KDM8: variants seen among roughly 807,000 people sequenced by gnomAD.
The protein encoded by KDM8 is lysine demethylase 8.
A neutral mutation model predicts 46.9 loss-of-function variants in KDM8; 35 were observed. The ratio of observed to expected loss-of-function variants is 0.75; its 90% CI spans 0.57 to 0.99. The LOEUF is 0.99. KDM8 is among the 50% of genes least tolerant of loss of function. The probability of loss-of-function intolerance (pLI) is 0.00; values close to 1 mark genes in which losing one functional copy is unlikely to be tolerated. For synonymous variants in KDM8, 232 were observed against 227.7 expected, an observed-to-expected ratio of 1.02 and a Z score of -0.17; for missense variants, 475 against 537.0, an observed-to-expected ratio of 0.88 and a Z score of 1.14.
At chr16:27,214,047 T>A (rs761574160) in intron 3 of KDM8, 7 of 269,670 alleles carry the variant, frequency 2.6e-5, no homozygotes, top group Non-Finnish European at 4.9e-5. Context: ...TCCTAGCAAT[T>A]TCAGACCATC....
At chr16:27,210,770 G>C (rs2083475501) in intron 2 of KDM8, 149 bp downstream of exon 2, 1 of 826,648 alleles carries the variant, frequency 1.2e-6, no homozygotes, top group Non-Finnish European at 1.8e-6. Flanking sequence ...TTGGATTTCT[G>C]TTTGTTTTTG....
In KDM8 at chr16:27,220,843, C is replaced by A; in HGVS notation, c.*113C>A. ...AGGACTGAACCTGTGTCCTGAAGAGCCTTCACTGCCCAGTGGCAGCCCTGG... is the reference window on the plus strand; with the variant it reads ...AGGACTGAACCTGTGTCCTGAAGAGACTTCACTGCCCAGTGGCAGCCCTGG... On this transcript the variant is annotated 3_prime_UTR_variant, in exon 8 of 8. Transcript: ENST00000286096. 3 of 1,276,086 alleles carry A rather than the reference C, an allele frequency of 2.4e-6. No homozygotes were observed. Among genetic ancestry groups the A allele is most frequent in the Non-Finnish European group, 3.4e-6 (3 of 881,722 alleles). The allele number at this position is 1,276,086 out of a possible 1,614,324, so 79.0% of individuals were successfully genotyped here. A position where few individuals can be genotyped will look rare whatever the true frequency, so the allele number is the denominator to read the frequency against.
At chr16:27,214,585 A>C (rs919242900) in intron 3 of KDM8, 5 of 363,592 alleles carry the variant, frequency 1.4e-5, no homozygotes, top group African/African-American at 1.0e-4. Flanking sequence ...CAAAATGAGC[A>C]AAGAAAGAAG....
intron 5 of KDM8, 158 bp downstream of exon 5, chr16:27,216,147 C>T (rs1382527102): frequency 1.4e-6 from 1 of 720,148 alleles, no homozygotes. Context: ...GAGCCATTTT[C>T]CTAAAGTGAC....
chr16:27,211,120 T>C (rs536578036), intron 2 of KDM8: 2 of 445,302 alleles, frequency 4.5e-6, no homozygotes, highest in African/African-American at 4.3e-5. Flanking sequence ...TCATTTTCTC[T>C]CTTTTTTTTT....
At chr16:27,213,851 G>A in intron 3 of KDM8, 100 bp downstream of exon 3, 1 of 1,197,890 alleles carries the variant, frequency 8.3e-7, no homozygotes, top group Non-Finnish European at 1.2e-6. Flanking sequence ...ATGCAACCTT[G>A]TAGATGCTTC....
rs545684017 is a variant in KDM8 at position 27,203,744 on chromosome 16, G to A, written c.-32+108G>A. Reference sequence around the variant, plus strand: ...GGCGTCATGTGAAGCAGCCAAGCCCGGCCTCGCGCGTGCGCCTTGGAAAAC... The same window carrying A: ...GGCGTCATGTGAAGCAGCCAAGCCCAGCCTCGCGCGTGCGCCTTGGAAAAC... On this transcript the variant is annotated intron_variant, in intron 1 of 7. Coordinates refer to ENST00000286096, the MANE Select transcript of KDM8 (RefSeq NM_024773.3). The A allele has an allele frequency of 3.4e-5, 9 of 267,024 alleles. No individual in the cohort carries two copies. In the East Asian group the frequency reaches 7.0e-4, roughly 21 times the overall value. The allele number at this position is 267,024 out of a possible 1,614,324, so 16.5% of individuals were successfully genotyped here.
Position 27,220,735 on chromosome 16 carries a change from G to C in KDM8, c.*5G>C. The C allele has an allele frequency of 6.2e-7, 1 of 1,614,180 alleles. No individual in the cohort carries two copies. Among genetic ancestry groups the C allele is most frequent in the Non-Finnish European group, 8.5e-7 (1 of 1,180,020 alleles). On this transcript the variant is annotated 3_prime_UTR_variant, in exon 8 of 8. Transcript: ENST00000286096. ...GTCAGCTTCTGGTGGTCGTAGCCAG[G>C]ATAGGAGCTGAAAGGGCCTGACATG...
intron 1 of KDM8, chr16:27,204,113 C>G (rs1331895566): frequency 6.5e-7 from 1 of 1,546,564 alleles, no homozygotes; most frequent in East Asian, 2.5e-5. Context: ...AGAAATGCAG[C>G]CCCGGGGAAG....
At chr16:27,209,103 C>T (rs967591758) in intron 1 of KDM8, among the ~76,000 whole-genome samples, 14 of 152,208 alleles carry the variant, frequency 9.2e-5, no homozygotes, top group African/African-American at 2.9e-4. Context: ...TTGCAAGGGA[C>T]GTGTTAATCT....
chr16:27,217,438 A>T (rs755139897), intron 5 of KDM8, among the ~76,000 whole-genome samples: 11 of 152,154 alleles, frequency 7.2e-5, no homozygotes, highest in Non-Finnish European at 1.5e-4. Flanking sequence ...GACCAATCAT[A>T]GTTTCTGCTC....
At chr16:27,205,622 G>T (rs927078248) in intron 1 of KDM8, among the ~76,000 whole-genome samples, 1 of 152,116 alleles carries the variant, frequency 6.6e-6, no homozygotes, top group East Asian at 1.9e-4. Flanking sequence ...AGATCACCCT[G>T]AGGTCAGGAG....
At chr16:27,209,403 T>G (rs1480996335) in intron 1 of KDM8, among the ~76,000 whole-genome samples, 2 of 152,264 alleles carry the variant, frequency 1.3e-5, no homozygotes, top group Admixed American at 1.3e-4. Context: ...ATTTTTGTAT[T>G]TTTTGTAGAG....
intron 6 of KDM8, 92 bp from the exon 7 acceptor site, chr16:27,220,301 G>A: frequency 9.9e-7 from 1 of 1,009,812 alleles, no homozygotes; most frequent in East Asian, 2.4e-5. Context: ...TGGGCCCAGG[G>A]AGCAGCATGT....
Position 27,219,115 on chromosome 16 carries a change from G to A in KDM8, c.993+5G>A. ...CAGCAAAACTTCCTAGTGCAGGTTG[G>A]AGCTGCAGCTGGAATAGTGGCCTTC... On this transcript the variant is annotated splice_donor_5th_base_variant and intron_variant, in intron 6 of 7. Transcript: ENST00000286096. 6.2e-7 allele frequency: 1 copy of A among 1,601,206 alleles called. No homozygotes were observed. The highest frequency in any genetic ancestry group is 8.5e-7 in the Non-Finnish European group (1 of 1,171,742).
At chr16:27,209,827 A>G (rs1432093640) in intron 1 of KDM8, among the ~76,000 whole-genome samples, 1 of 152,158 alleles carries the variant, frequency 6.6e-6, no homozygotes. Flanking sequence ...GCGGAGGGGT[A>G]TGGGAGGCAC....
chr16:27,216,067 G>A (rs2083547617), intron 5 of KDM8, 78 bp downstream of exon 5: 1 of 1,497,990 alleles, frequency 6.7e-7, no homozygotes, highest in Admixed American at 1.7e-5. Flanking sequence ...CAGTGCGGCT[G>A]GAGCAGTGAG....
At position 27,210,322 on chromosome 16, in the gene KDM8, A is replaced by C; in HGVS notation, c.199A>C (p.Ser67Arg). 6.2e-7 allele frequency: 1 copy of C among 1,613,298 alleles called. No homozygotes were observed. Among genetic ancestry groups the C allele is most frequent in the Non-Finnish European group, 8.5e-7 (1 of 1,180,036 alleles). Reference sequence around the variant, plus strand: ...GGGCAGGAGGGACGAGTGTCTGCAGAGCAGCGAGGTGATCCTGGACTACTC... The same window carrying C: ...GGGCAGGAGGGACGAGTGTCTGCAGCGCAGCGAGGTGATCCTGGACTACTC... ...YEGRRDECLQ[S>R]SEVILDYSWE... Residue 67 changes from serine to arginine, a missense_variant, in exon 2 of 8, where the codon AGC becomes CGC. Coordinates refer to ENST00000286096, the MANE Select transcript of KDM8 (RefSeq NM_024773.3).
intron 4 of KDM8, 28 bp downstream of exon 4, chr16:27,215,036 G>A (rs2140971564): frequency 6.2e-7 from 1 of 1,612,726 alleles, no homozygotes; most frequent in Non-Finnish European, 8.5e-7. Flanking sequence ...CTTTCCCCTA[G>A]TACTTGCAAG....
Sources: gnomAD v4.1 joint callset for allele counts (sites outside exome capture counted in the v4.1 genomes callset) on GRCh38, gnomAD v4.1.1 for gene constraint, MANE v1.5 for transcripts, NCBI Gene and HGNC (gene_info 2026-07-23, HGNC 2026-07-21) for gene names.